Variants in NRXN3 observed in about 807,000 individuals in gnomAD.
NRXN3 encodes neurexin III.
NRXN3 carries 32 observed loss-of-function variants against 137.6 expected under a neutral mutation model. That is an observed-to-expected ratio of 0.23 (90% CI 0.18 to 0.31). The LOEUF (loss-of-function observed/expected upper bound fraction) is 0.31, where lower values mean the gene tolerates loss of function less well. NRXN3 is among the 10% of genes least tolerant of loss of function. The pLI is 1.00. For synonymous variants in NRXN3, 798 were observed against 784.5 expected (o/e 1.02, Z -0.29); for missense variants, 1,574 against 2,062.5 (o/e 0.76, Z 4.59).
At chr14:78,884,336 A>G (rs924828770) in intron 10 of NRXN3, among the ~76,000 whole-genome samples, 2 of 152,182 alleles carry the variant, frequency 1.3e-5, no homozygotes, top group African/African-American at 2.4e-5. Context: ...TAAAGAAAAC[A>G]GCAGTGTCGG....
chr14:79,288,982 T>C (rs961285421), intron 15 of NRXN3, among the ~76,000 whole-genome samples: 5 of 152,122 alleles, frequency 3.3e-5, no homozygotes, highest in African/African-American at 1.2e-4. Flanking sequence ...AAAGGAGGGA[T>C]GCTAGTTTAT....
intron 8 of NRXN3, among the ~76,000 whole-genome samples, chr14:78,781,268 G>A (rs946293285): frequency 1.3e-5 from 2 of 152,088 alleles, no homozygotes; most frequent in African/African-American, 2.4e-5. Context: ...AAACATGCAT[G>A]GACATGACGA....
At position 79,761,644 on chromosome 14, in the gene NRXN3, C is replaced by T. The variant is rs541611291; in HGVS notation, c.4015-43468C>T. Among the ~76,000 whole-genome samples, 3 of 141,492 alleles carry T rather than the reference C, an allele frequency of 2.1e-5. No individual in the cohort carries two copies. In the East Asian group the frequency reaches 6.1e-4, roughly 29 times the overall value. 92.8% of individuals were successfully genotyped at this position (141,492 alleles called of 152,430 possible). ...GGAGGCGGAGCTTGCCAAGATGGCA[C>T]CACTGCACTCCAGCCTGGCAACAAA... On this transcript the variant is annotated intron_variant, in intron 19 of 20. Coordinates refer to ENST00000335750, the MANE Select transcript of NRXN3 (RefSeq NM_001330195.2).
At chr14:78,244,776 G>T (rs553415725) in intron 2 of NRXN3, among the ~76,000 whole-genome samples, 1 of 152,292 alleles carries the variant, frequency 6.6e-6, no homozygotes, top group East Asian at 1.9e-4. Flanking sequence ...TTGCAAAGAG[G>T]CACAGAGATT....
chr14:79,127,427 C>A (rs370850903), intron 15 of NRXN3, among the ~76,000 whole-genome samples: 1 of 152,060 alleles, frequency 6.6e-6, no homozygotes, highest in African/African-American at 2.4e-5. Flanking sequence ...ATTTATTAAA[C>A]AGGGAATCCT....
rs538651571 is a variant in NRXN3, at chr14:79,683,577, A to G, written c.3617-8596A>G. Among the ~76,000 whole-genome samples, 3 of 152,250 alleles carry G rather than the reference A, an allele frequency of 2.0e-5. No homozygotes were observed. The South Asian group carries it at 6.2e-4, about 32-fold the overall frequency. On this transcript the variant is annotated intron_variant, in intron 17 of 20. Transcript: ENST00000335750. ...GAGGTAAACTAAAATAATAAAAGTAAAATTTATTATCTCACAGTTTCTATA... is the reference window on the plus strand; with the variant it reads ...GAGGTAAACTAAAATAATAAAAGTAGAATTTATTATCTCACAGTTTCTATA...
At chr14:79,828,198 G>C (rs2099311278) in intron 20 of NRXN3, among the ~76,000 whole-genome samples, 1 of 152,174 alleles carries the variant, frequency 6.6e-6, no homozygotes, top group Admixed American at 6.5e-5. Flanking sequence ...TTGCAGCTTT[G>C]AGTCAACCCA....
chr14:79,023,907 A>G (rs2062739), intron 15 of NRXN3, among the ~76,000 whole-genome samples: 151,417 of 152,188 alleles, frequency 0.99, 75,345 homozygotes, highest in Middle Eastern at 1. Flanking sequence ...GGTGCCCAGC[A>G]TTGTAAGAAG....
chr14:78,452,654 GTTTAA>G (rs1000152988), intron 4 of NRXN3, among the ~76,000 whole-genome samples: 5 of 152,216 alleles, frequency 3.3e-5, no homozygotes, highest in Admixed American at 1.3e-4. Flanking sequence ...GTGAGAGCTT[GTTTAA>G]TTAAACTAGT....
chr14:78,966,587 C>T (rs751387418), intron 12 of NRXN3, among the ~76,000 whole-genome samples, 181 bp downstream of exon 12: 1 of 152,176 alleles, frequency 6.6e-6, no homozygotes, highest in Non-Finnish European at 1.5e-5. Context: ...GAGAGAGGCT[C>T]ATGATTTAAT....
At chr14:79,613,065 T>G (rs2098120915) in intron 16 of NRXN3, among the ~76,000 whole-genome samples, 2 of 152,314 alleles carry the variant, frequency 1.3e-5, no homozygotes, top group South Asian at 2.1e-4. Context: ...GGCATCTGAC[T>G]CAGTTGCAAA....
At chr14:79,626,453 T>A (rs2098282547) in intron 16 of NRXN3, among the ~76,000 whole-genome samples, 1 of 152,110 alleles carries the variant, frequency 6.6e-6, no homozygotes, top group Non-Finnish European at 1.5e-5. Flanking sequence ...TGTTTGTCAT[T>A]ATTTCTAATA....
intron 3 of NRXN3, 142 bp downstream of exon 3, chr14:78,278,804 G>A (rs2073985691): frequency 1.4e-6 from 1 of 696,970 alleles, no homozygotes; most frequent in Admixed American, 2.3e-5. Flanking sequence ...AAGAAGAAAT[G>A]CATTGAATTA....
In NRXN3 at chr14:79,116,448, C is replaced by T. The variant is rs548358970; in HGVS notation, c.3262+128307C>T. Reference sequence around the variant, plus strand: ...GCATTTTGTTCTGCCGGGCTGACCCCATTACGCATACACCACAGTCATAAA... The same window carrying T: ...GCATTTTGTTCTGCCGGGCTGACCCTATTACGCATACACCACAGTCATAAA... On this transcript the variant is annotated intron_variant, in intron 15 of 20. Coordinates refer to ENST00000335750, the MANE Select transcript of NRXN3 (RefSeq NM_001330195.2). Among the ~76,000 whole-genome samples, 8 of 152,318 alleles carry T rather than the reference C, an allele frequency of 5.3e-5. No homozygotes were observed. The East Asian group carries it at 1.5e-3, about 29-fold the overall frequency.
chr14:78,300,603 C>G (rs1042809650), intron 4 of NRXN3: 20 of 1,068,508 alleles, frequency 1.9e-5, no homozygotes, highest in East Asian at 1.5e-4. Flanking sequence ...TCTCCTTGCT[C>G]TCTCTCTGTC....
intron 6 of NRXN3, among the ~76,000 whole-genome samples, chr14:78,687,314 G>C (rs2098133264): frequency 6.6e-6 from 1 of 152,204 alleles, no homozygotes; most frequent in Admixed American, 6.5e-5. Flanking sequence ...ATGGAGGGTG[G>C]AGTATGGTGT....
At chr14:79,201,834 G>A (rs2066056219) in intron 15 of NRXN3, among the ~76,000 whole-genome samples, 1 of 152,202 alleles carries the variant, frequency 6.6e-6, no homozygotes, top group African/African-American at 2.4e-5. Flanking sequence ...CACTGTTCAA[G>A]CACTTTCTAC....
At chr14:78,808,790 C>T (rs1031583155) in intron 9 of NRXN3, among the ~76,000 whole-genome samples, 15 of 152,152 alleles carry the variant, frequency 9.9e-5, no homozygotes, top group African/African-American at 1.2e-4. Context: ...CCAGATTTCA[C>T]GTAGCTTCAT....
chr14:79,634,763 C>A (rs530521567), intron 16 of NRXN3, among the ~76,000 whole-genome samples: 1 of 152,302 alleles, frequency 6.6e-6, no homozygotes, highest in South Asian at 2.1e-4. Flanking sequence ...CTTAACAGCA[C>A]CAATTTCACA....
Sources: allele counts gnomAD v4.1 joint callset (sites outside exome capture counted in the v4.1 genomes callset), GRCh38; gene constraint gnomAD v4.1.1; transcripts MANE v1.5; gene names NCBI Gene and HGNC (gene_info 2026-07-23, HGNC 2026-07-21).